Variants in LRP2 observed in about 807,000 individuals in gnomAD.
LRP2 encodes LDL receptor related protein 2.
A neutral mutation model predicts 531.0 loss-of-function variants in LRP2; 172 were observed. The observed-to-expected ratio is 0.32, with a 90% CI of 0.29 to 0.37. The LOEUF (loss-of-function observed/expected upper bound fraction) is 0.37, where lower values mean the gene tolerates loss of function less well. Ranked by LOEUF, LRP2 falls within the 10% of genes least tolerant of loss-of-function variation. The pLI is 1.00. For missense variants in LRP2, 5,167 were observed against 5,868.3 expected (o/e 0.88, Z 3.90); for synonymous variants, 1,992 against 2,027.6 (o/e 0.98, Z 0.47).
rs758407766 is a variant in LRP2 at position 169,243,459 on chromosome 2, G to A, written c.3494C>T (p.Ser1165Leu). 3.0e-5 allele frequency: 48 copies of A among 1,614,070 alleles called. No individual in the cohort carries two copies. Among genetic ancestry groups the A allele is most frequent in the Middle Eastern group, 1.6e-4 (1 of 6,062 alleles). The change falls in exon 23 of 79, where the codon TCG becomes TTG. Residue 1165 changes from serine (S) to leucine (L), a missense_variant. This residue lies in a region of LRP2 where 2,811 missense variants were observed against 3,058.0 expected (regional missense o/e 0.92). Transcript: ENST00000649046. Reference protein sequence around the residue: ...NCPNHRCIDLSFVCDGDKDCV... With the variant: ...NCPNHRCIDLLFVCDGDKDCV... ...ATCCTTGTCACCATCACAGACAAAC[G>A]ATAGGTCAATACATCGATGATTGGG...
At chr2:169,254,332 T>C (rs1259972577) in intron 19 of LRP2, among the ~76,000 whole-genome samples, 1 of 84,140 alleles carries the variant, frequency 1.2e-5, no homozygotes, top group African/African-American at 6.3e-5. Context: ...GATGAGTTCA[T>C]ATCCTTTGTA....
intron 67 of LRP2, among the ~76,000 whole-genome samples, chr2:169,151,452 G>C (rs1686120089): frequency 6.6e-6 from 1 of 152,208 alleles, no homozygotes. Flanking sequence ...TGGGCTTCTA[G>C]GTAGAAGTCA....
intron 11 of LRP2, among the ~76,000 whole-genome samples, chr2:169,279,968 A>G (rs1683657575): frequency 6.6e-6 from 1 of 152,246 alleles, no homozygotes; most frequent in African/African-American, 2.4e-5. Context: ...AGTTCCATTT[A>G]GAAGATGCAG....
intron 3 of LRP2, among the ~76,000 whole-genome samples, chr2:169,310,359 T>C (rs551606892): frequency 1.8e-3 from 281 of 152,360 alleles, no homozygotes; most frequent in Non-Finnish European, 3.1e-3. Context: ...GCTCTTATTA[T>C]TTTGAGATAC....
intron 64 of LRP2, 129 bp from the exon 65 acceptor site, chr2:169,156,534 T>G (rs897379051): frequency 9.9e-7 from 1 of 1,012,342 alleles, no homozygotes; most frequent in African/African-American, 1.6e-5. Context: ...TAAGCAATGA[T>G]ACAAACATTT....
intron 76 of LRP2, 38 bp from the exon 77 acceptor site, chr2:169,132,719 G>T (rs1280855597): frequency 6.3e-6 from 6 of 958,560 alleles, no homozygotes; most frequent in South Asian, 5.1e-5. Flanking sequence ...AATTTTGAAA[G>T]AATTTAGTAG....
rs776645156 is a variant in LRP2, at chr2:169,220,457, C to T, written c.5645G>A (p.Arg1882His). ...CGTGCCATTTATGAATACTCACCCA[C>T]GAGCAGGATCAACAGTTATGCCAAT... is the stretch of plus-strand genomic sequence containing the variant. ...FPIGITVDPA[R>H]GKLYWSDQGT... Residue 1882 changes from arginine (R) to histidine (H), a missense_variant, in exon 34 of 79, where the codon CGT (arginine) becomes CAT (histidine). Transcript: ENST00000649046. The T allele has an allele frequency of 6.8e-6, 11 of 1,611,420 alleles. No homozygotes were observed. The highest frequency in any genetic ancestry group is 1.7e-5 in the Admixed American group (1 of 59,938).
intron 45 of LRP2, among the ~76,000 whole-genome samples, chr2:169,197,750 A>T (rs187335739): frequency 6.6e-6 from 1 of 152,236 alleles, no homozygotes; most frequent in Non-Finnish European, 1.5e-5. Context: ...AAAGTCAGCA[A>T]TAATTCCTAT....
At chr2:169,160,685 A>AAAAAACAAAAAAAAAAAAAAAAAAC (rs1553487411) in intron 63 of LRP2, among the ~76,000 whole-genome samples, 1 of 94,234 alleles carries the variant, frequency 1.1e-5, no homozygotes, top group East Asian at 2.3e-4. Flanking sequence ...ATTTCCTTAA[A>AAAAAACAAAAAAAAAAAAAAAAAAC]AAAAAAAAAA....
intron 76 of LRP2, among the ~76,000 whole-genome samples, chr2:169,136,837 G>T (rs1685533661): frequency 6.6e-6 from 1 of 152,210 alleles, no homozygotes; most frequent in Non-Finnish European, 1.5e-5. Flanking sequence ...CAACAAGGCT[G>T]CAACAAGGAA....
intron 35 of LRP2, 133 bp downstream of exon 35, chr2:169,216,120 G>A: frequency 2.2e-6 from 2 of 921,014 alleles, no homozygotes; most frequent in Non-Finnish European, 3.5e-6. Context: ...GTTATTGGGA[G>A]AAGGGGCAAT....
intron 62 of LRP2, among the ~76,000 whole-genome samples, chr2:169,165,241 G>A (rs1050201463): frequency 1.1e-4 from 16 of 152,172 alleles, no homozygotes; most frequent in African/African-American, 2.7e-4. Flanking sequence ...TGGAGTCGGG[G>A]AAATGATTTT....
At chr2:169,256,727 T>C (rs1048140168) in intron 18 of LRP2, among the ~76,000 whole-genome samples, 1 of 152,110 alleles carries the variant, frequency 6.6e-6, no homozygotes, top group African/African-American at 2.4e-5. Flanking sequence ...CATTTGTTGA[T>C]TAATTGACTC....
intron 50 of LRP2, chr2:169,182,578 CGGGTCT>C (rs1687481311): frequency 7.5e-7 from 1 of 1,338,008 alleles, no homozygotes; most frequent in Admixed American, 2.9e-5. Context: ...CTTCATTCGA[CGGGTCT>C]GGTTTTACTT....
At chr2:169,294,537 C>T in intron 5 of LRP2, 63 bp downstream of exon 5, 1 of 1,171,894 alleles carries the variant, frequency 8.5e-7, no homozygotes, top group Non-Finnish European at 1.3e-6. Context: ...TACATATTGG[C>T]TCTCTCAAAC....
At chr2:169,222,725 A>T (rs1039185054) in intron 33 of LRP2, among the ~76,000 whole-genome samples, 3 of 152,220 alleles carry the variant, frequency 2.0e-5, no homozygotes, top group Non-Finnish European at 2.9e-5. Flanking sequence ...CTGTAATAAC[A>T]ATTATGTGAA....
At chr2:169,220,347 T>C (rs763052076) in intron 34 of LRP2, 107 bp downstream of exon 34, 30 of 807,894 alleles carry the variant, frequency 3.7e-5, no homozygotes, top group Admixed American at 1.5e-4. Flanking sequence ...AATGTTGACA[T>C]ATGAAATCAG....
chr2:169,348,040 C>G (rs1027407092), intron 1 of LRP2, among the ~76,000 whole-genome samples: 1 of 152,164 alleles, frequency 6.6e-6, no homozygotes, highest in East Asian at 1.9e-4. Context: ...CAAATGTTGG[C>G]TCTGCCACTT....
At chr2:169,200,129 T>C (rs892641065) in intron 44 of LRP2, among the ~76,000 whole-genome samples, 1 of 152,028 alleles carries the variant, frequency 6.6e-6, no homozygotes, top group South Asian at 2.1e-4. Flanking sequence ...CGGGTGCCTG[T>C]AGTCCCAGCT....
Sources: gnomAD v4.1 joint callset for allele counts (sites outside exome capture counted in the v4.1 genomes callset) on GRCh38, gnomAD v4.1.1 for gene constraint, gnomAD v4.1.1 regional missense constraint, MANE v1.5 for transcripts, NCBI Gene and HGNC (gene_info 2026-07-23, HGNC 2026-07-21) for gene names.